Variants in SDCBP2 observed in about 807,000 individuals in gnomAD.
The protein encoded by SDCBP2 is syntenin-2.
A neutral mutation model predicts 30.7 loss-of-function variants in SDCBP2; 28 were observed. The observed-to-expected ratio is 0.91, with a 90% CI of 0.68 to 1.25. SDCBP2 has a LOEUF of 1.25. Ranked by LOEUF, SDCBP2 falls within the 50% of genes most tolerant of loss-of-function variation. SDCBP2 has a pLI of 0.00. For synonymous variants in SDCBP2, 166 were observed against 157.3 expected (o/e 1.06, Z -0.41); for missense variants, 399 against 379.0 (o/e 1.05, Z -0.44).
At chr20:1,317,667 C>T in intron 4 of SDCBP2, 1 of 179,352 alleles carries the variant, frequency 5.6e-6, no homozygotes, top group Non-Finnish European at 1.2e-5. Flanking sequence ...TTGTATGTGT[C>T]TGTGACAGTT....
intron 5 of SDCBP2, 62 bp from the exon 6 acceptor site, chr20:1,312,824 C>A: frequency 6.6e-7 from 1 of 1,505,982 alleles, no homozygotes; most frequent in South Asian, 1.3e-5. Context: ...GATCCCTCTT[C>A]CAACCTGTTG....
chr20:1,312,252 G>C, intron 7 of SDCBP2, 85 bp downstream of exon 7: 3 of 1,358,158 alleles, frequency 2.2e-6, no homozygotes, highest in Non-Finnish European at 3.0e-6. Context: ...AGGATGCTGA[G>C]GCTCAGGTGG....
intron 4 of SDCBP2, chr20:1,318,085 C>A (rs1411296582): frequency 3.5e-6 from 2 of 567,168 alleles, no homozygotes; most frequent in South Asian, 3.1e-5. Context: ...AAAGGGCAAG[C>A]CCTGGTTCTC....
intron 1 of SDCBP2, chr20:1,325,327 C>G (rs556332209): frequency 6.6e-6 from 1 of 152,386 alleles, no homozygotes; most frequent in Non-Finnish European, 1.5e-5. Flanking sequence ...GCAGAAACAC[C>G]GCCAAGCGAC....
chr20:1,324,678 C>T lies in SDCBP2; in HGVS notation c.-19-4243G>A, dbSNP rs1332754183. Among the ~76,000 whole-genome samples, 3 of 152,178 alleles carry T rather than the reference C, an allele frequency of 2.0e-5. No homozygotes were observed. The highest frequency in any genetic ancestry group is 7.2e-5 in the African/African-American group (3 of 41,450). On this transcript the variant is annotated intron_variant, in intron 1 of 8. Coordinates refer to ENST00000360779, the MANE Select transcript of SDCBP2 (RefSeq NM_080489.5). The surrounding 1 kb of genome is among the most constrained non-coding windows in gnomAD (Gnocchi z 4.7). ...TGGTTGTGGGGAGTTACACTTTGCT[C>T]ACCATTCTGGAAAATCGCTGCCCAC...
At chr20:1,312,894 G>C in intron 5 of SDCBP2, 132 bp from the exon 6 acceptor site, 2 of 940,406 alleles carry the variant, frequency 2.1e-6, no homozygotes, top group Non-Finnish European at 3.1e-6. Flanking sequence ...TGCATGGCAG[G>C]CACCAAGGTT....
intron 1 of SDCBP2, chr20:1,325,382 G>A (rs1429105397): frequency 6.6e-6 from 1 of 152,274 alleles, no homozygotes; most frequent in African/African-American, 2.4e-5. Context: ...CCAGGCCCGG[G>A]CGCGGTTAGG....
At chr20:1,318,121 T>G (rs1357455214) in intron 4 of SDCBP2, 197 bp downstream of exon 4, 3 of 615,946 alleles carry the variant, frequency 4.9e-6, no homozygotes, top group African/African-American at 3.6e-5. Context: ...TGGGAAGATC[T>G]GAAACCATGA....
intron 4 of SDCBP2, among the ~76,000 whole-genome samples, chr20:1,315,089 A>C (rs546235003): frequency 6.6e-5 from 10 of 152,346 alleles, no homozygotes; most frequent in Non-Finnish European, 1.2e-4. Flanking sequence ...ATCACCACCA[A>C]ATTTCAAGAC....
intron 7 of SDCBP2, among the ~76,000 whole-genome samples, chr20:1,311,900 CTTTTT>C (rs11471529): frequency 8.3e-6 from 1 of 121,110 alleles, no homozygotes; most frequent in Non-Finnish European, 1.6e-5. Context: ...GGTACACTGT[CTTTTT>C]TTTTTTTTTT....
At chr20:1,312,213 T>TA in intron 7 of SDCBP2, 124 bp downstream of exon 7, 1 of 974,710 alleles carries the variant, frequency 1.0e-6, no homozygotes, top group Non-Finnish European at 1.5e-6. Context: ...AACACCGTCT[T>TA]ACTGAACCCT....
chr20:1,328,330 C>T (rs774467144), intron 1 of SDCBP2, among the ~76,000 whole-genome samples: 2 of 152,124 alleles, frequency 1.3e-5, no homozygotes, highest in Non-Finnish European at 2.9e-5. Context: ...GTTATTTTGA[C>T]AGGCCTCCTC....
intron 1 of SDCBP2, among the ~76,000 whole-genome samples, chr20:1,326,900 G>A (rs2088935580): frequency 6.6e-6 from 1 of 152,232 alleles, no homozygotes; most frequent in Admixed American, 6.5e-5. Context: ...GAGAAAGCCT[G>A]ATATCCTAAA....
chr20:1,323,545 A>G (rs533776930), intron 1 of SDCBP2: 13 of 152,246 alleles, frequency 8.5e-5, no homozygotes, highest in African/African-American at 2.9e-4. Flanking sequence ...CACCACTGCC[A>G]CCTTCTCTGG....
At chr20:1,327,174 C>T (rs1215806114) in intron 1 of SDCBP2, among the ~76,000 whole-genome samples, 1 of 152,202 alleles carries the variant, frequency 6.6e-6, no homozygotes, top group Non-Finnish European at 1.5e-5. Context: ...ACAGCCCTTT[C>T]CAGATTTCCA....
intron 2 of SDCBP2, among the ~76,000 whole-genome samples, chr20:1,319,948 T>C (rs1568562958): frequency 6.6e-6 from 1 of 152,194 alleles, no homozygotes; most frequent in South Asian, 2.1e-4. Context: ...AGTTCTCAGC[T>C]GAAAAGTCTC....
intron 4 of SDCBP2, among the ~76,000 whole-genome samples, chr20:1,315,383 G>T (rs1469826403): frequency 6.6e-6 from 1 of 152,138 alleles, no homozygotes; most frequent in Non-Finnish European, 1.5e-5. Flanking sequence ...ACAAAAATTA[G>T]CCAGGTGTGC....
chr20:1,323,681 C>T (rs1028816984), intron 1 of SDCBP2: 2 of 152,156 alleles, frequency 1.3e-5, no homozygotes, highest in Non-Finnish European at 2.9e-5. Flanking sequence ...CTGCTTATGT[C>T]CCTTACATAA....
At position 1,312,415 on chromosome 20, in the gene SDCBP2, C is replaced by T; in HGVS notation, c.654G>A (p.Gly218=). The change falls in exon 7 of 9, where the codon GGG becomes GGA. Residue 218 remains glycine, a synonymous_variant. Coordinates refer to ENST00000360779, the MANE Select transcript of SDCBP2 (RefSeq NM_080489.5). Reference sequence around the variant, plus strand: ...GGAGCCCGTTGCGGGCCGCAGAACTCCCTTTGACCAGAGAGACAATCTTCC... The same window carrying T: ...GGAGCCCGTTGCGGGCCGCAGAACTTCCTTTGACCAGAGAGACAATCTTCC... ...KKGKIVSLVK[G]SSAARNGLLT... The T allele has an allele frequency of 6.2e-7, 1 of 1,613,942 alleles. No homozygotes were observed.
Sources: allele counts gnomAD v4.1 joint callset (sites outside exome capture counted in the v4.1 genomes callset), GRCh38; gene constraint gnomAD v4.1.1; non-coding constraint Gnocchi (gnomAD v3.1); transcripts MANE v1.5; gene names NCBI Gene and HGNC (gene_info 2026-07-23, HGNC 2026-07-21).